Variants in DNTTIP1 observed in about 807,000 individuals in gnomAD.
DNTTIP1 encodes the protein deoxynucleotidyltransferase terminal interacting protein 1.
Under a neutral mutation model 52.9 loss-of-function variants are expected in DNTTIP1, and 22 were observed. That is an observed-to-expected ratio of 0.42 (90% CI 0.30 to 0.59). DNTTIP1 has a LOEUF of 0.59. Among genes scored for constraint, DNTTIP1 ranks in the 20% least tolerant of loss-of-function variants. The pLI, the probability that DNTTIP1 is intolerant of heterozygous loss-of-function variation, is 0.22. For synonymous variants in DNTTIP1, 136 were observed against 155.1 expected, an observed-to-expected ratio of 0.88 and a Z score of 0.92; for missense variants, 286 against 435.5, an observed-to-expected ratio of 0.66 and a Z score of 3.06.
At chr20:45,793,841 AT>A in intron 2 of DNTTIP1, 79 bp from the exon 3 acceptor site, 1 of 812,006 alleles carries the variant, frequency 1.2e-6, no homozygotes, top group Non-Finnish European at 1.9e-6. Flanking sequence ...AAGGAATTCT[AT>A]GTCCATAATT....
intron 3 of DNTTIP1, among the ~76,000 whole-genome samples, chr20:45,794,947 C>T (rs968069675): frequency 9.2e-5 from 14 of 152,160 alleles, no homozygotes; most frequent in East Asian, 3.9e-4. Flanking sequence ...TACAGGCATC[C>T]GCCACCACGC....
rs1298566367 is a variant in DNTTIP1, at chr20:45,809,359, G to T, written c.795+174G>T. On this transcript the variant is annotated intron_variant, in intron 11 of 12. Transcript: ENST00000372622. This position sits in a 1 kb window ranked among gnomAD's most constrained non-coding sequence, Gnocchi z 4.2. ...GCTGAAGAGCAAATTGTAATCTTCA[G>T]GTTCCCTTCCCTATCCCTAGGTCTC... 6.6e-6 allele frequency among the ~76,000 whole-genome samples: 1 copy of T among 152,158 alleles called. No homozygotes were observed. The highest frequency in any genetic ancestry group is 1.5e-5 in the Non-Finnish European group (1 of 68,036).
At chr20:45,801,564 G>A (rs1450422847) in intron 6 of DNTTIP1, 106 bp downstream of exon 6, 2 of 1,176,688 alleles carry the variant, frequency 1.7e-6, no homozygotes, top group Non-Finnish European at 2.5e-6. Flanking sequence ...AAGCGGGGAG[G>A]ATCACTTGAG....
intron 4 of DNTTIP1, chr20:45,796,523 C>CCTGCCTCT (rs1452158931): frequency 1.1e-5 from 5 of 471,038 alleles, no homozygotes; most frequent in African/African-American, 8.0e-5. Flanking sequence ...CTGCTGCCTC[C>CCTGCCTCT]CTGCCTCTCT....
Position 45,811,043 on chromosome 20 carries a change from A to G in DNTTIP1, c.852-14A>G. On this transcript the variant is annotated splice_polypyrimidine_tract_variant and intron_variant, in intron 12 of 12. Coordinates refer to ENST00000372622, the MANE Select transcript of DNTTIP1 (RefSeq NM_052951.3). Reference sequence around the variant, plus strand: ...CTCACTTCCCCCAACTTCTCTCTTCAATGTCTGTTCCAGAGGATGCCTGGA... The same window carrying G: ...CTCACTTCCCCCAACTTCTCTCTTCGATGTCTGTTCCAGAGGATGCCTGGA... 1 of 1,613,566 alleles carries G rather than the reference A, an allele frequency of 6.2e-7. No homozygotes were observed. Among genetic ancestry groups the G allele is most frequent in the South Asian group, 1.1e-5 (1 of 91,018 alleles).
intron 4 of DNTTIP1, chr20:45,796,554 C>A (rs897651924): frequency 2.1e-6 from 1 of 471,148 alleles, no homozygotes; most frequent in African/African-American, 2.0e-5. Flanking sequence ...GGAAGCATGA[C>A]ATCAGGTCTA....
chr20:45,792,082 G>A lies in DNTTIP1; in HGVS notation c.78G>A (p.Ala26=). The change falls in exon 1 of 13, where the codon GCG becomes GCA. Residue 26 remains alanine (A), a synonymous_variant. Transcript: ENST00000372622. ...GGGGCGGCTTGGAGCTGGGGGATGCGGGCGCAGCGGGGCAGCTGGTTCTTA... is the reference window on the plus strand; with the variant it reads ...GGGGCGGCTTGGAGCTGGGGGATGCAGGCGCAGCGGGGCAGCTGGTTCTTA... ...AERGGLELGD[A]GAAGQLVLTN... The A allele has an allele frequency of 7.8e-7, 1 of 1,286,032 alleles. No individual in the cohort carries two copies. The highest frequency in any genetic ancestry group is 9.8e-7 in the Non-Finnish European group (1 of 1,015,510). 79.7% of individuals were successfully genotyped at this position (1,286,032 alleles called of 1,614,324 possible).
At chr20:45,806,412 G>T (rs898193669) in intron 10 of DNTTIP1, among the ~76,000 whole-genome samples, 6 of 151,412 alleles carry the variant, frequency 4.0e-5, no homozygotes, top group Non-Finnish European at 8.8e-5. Context: ...TTCAAAGAGG[G>T]TACTCCTCTT....
chr20:45,799,604 A>G (rs73306476), intron 4 of DNTTIP1, among the ~76,000 whole-genome samples: 2,563 of 152,268 alleles, frequency 0.017, 73 homozygotes, highest in African/African-American at 0.059. Context: ...CCATTCCCGC[A>G]AAGTAGCCCT....
chr20:45,799,236 G>T (rs1981343218), intron 4 of DNTTIP1, among the ~76,000 whole-genome samples: 1 of 152,180 alleles, frequency 6.6e-6, no homozygotes, highest in South Asian at 2.1e-4. Flanking sequence ...AGAGGATAGG[G>T]AAAAGAACCA....
At chr20:45,800,694 AATATATATATATATATATATATATAT>A (rs1158615012) in intron 4 of DNTTIP1, among the ~76,000 whole-genome samples, 700 of 16,370 alleles carry the variant, frequency 0.043, 87 homozygotes, top group African/African-American at 0.095. Flanking sequence ...AAAAAAAAAA[AATATATATATATATATATATATATAT>A]ATATATATAT....
chr20:45,801,405 G>A lies in DNTTIP1; in HGVS notation c.445G>A (p.Gly149Ser). The A allele has an allele frequency of 6.2e-7, 1 of 1,614,118 alleles. No individual in the cohort carries two copies. Among genetic ancestry groups the A allele is most frequent in the Non-Finnish European group, 8.5e-7 (1 of 1,180,032 alleles). ...ACTCCCTTCCCTTTTCTTTTAGCGT[G>A]GCCGTCAGGCAGAAGAAGAATGTGC... ...LTHELPGIKRGRQAEEECAHR... is the reference protein window; with the variant it reads ...LTHELPGIKRSRQAEEECAHR... Residue 149 changes from glycine to serine, a missense_variant, in exon 6 of 13, where the codon GGC becomes AGC. Gly to Ser is a moderately conservative substitution (Grantham distance 56). Around this residue, in one of 2 missense-constraint regions of DNTTIP1, gnomAD observed 208 missense variants for 266.5 expected, o/e 0.78. Coordinates refer to ENST00000372622, the MANE Select transcript of DNTTIP1 (RefSeq NM_052951.3).
At chr20:45,806,731 C>G (rs1480470248) in intron 10 of DNTTIP1, among the ~76,000 whole-genome samples, 1 of 152,234 alleles carries the variant, frequency 6.6e-6, no homozygotes, top group Non-Finnish European at 1.5e-5. Flanking sequence ...AGTCTGATAT[C>G]CTCGAGTCCC....
intron 7 of DNTTIP1, 116 bp downstream of exon 7, chr20:45,802,173 C>A: frequency 1.8e-6 from 2 of 1,130,196 alleles, no homozygotes; most frequent in Non-Finnish European, 2.6e-6. Context: ...CAGCTTAAGT[C>A]ATCGTGGAGG....
intron 9 of DNTTIP1, 37 bp downstream of exon 9, chr20:45,805,241 G>A (rs369531055): frequency 5.8e-5 from 93 of 1,613,990 alleles, no homozygotes; most frequent in Admixed American, 4.5e-4. Context: ...TGAGGAAACA[G>A]CTCAGGAGTT....
At chr20:45,801,960 C>A in intron 6 of DNTTIP1, 39 bp from the exon 7 acceptor site, 3 of 1,609,348 alleles carry the variant, frequency 1.9e-6, no homozygotes, top group Non-Finnish European at 2.6e-6. Context: ...TGGGGAGTAA[C>A]CACAGGGTCA....
chr20:45,792,607 C>G, intron 1 of DNTTIP1, 70 bp from the exon 2 acceptor site: 1 of 1,258,624 alleles, frequency 7.9e-7, no homozygotes, highest in Non-Finnish European at 1.1e-6. Context: ...TAACTTCATA[C>G]CCACCCTCCA....
At chr20:45,797,400 C>G (rs1981276633) in intron 4 of DNTTIP1, among the ~76,000 whole-genome samples, 1 of 152,150 alleles carries the variant, frequency 6.6e-6, no homozygotes, top group Non-Finnish European at 1.5e-5. Flanking sequence ...CTAGGCAATA[C>G]CATTCAGGAC....
At chr20:45,795,194 G>C (rs1981196870) in intron 3 of DNTTIP1, 151 bp from the exon 4 acceptor site, 1 of 502,890 alleles carries the variant, frequency 2.0e-6, no homozygotes, top group Non-Finnish European at 3.6e-6. Flanking sequence ...CCTGAAATGT[G>C]AATCTAAATC....
Sources: allele counts gnomAD v4.1 joint callset (sites outside exome capture counted in the v4.1 genomes callset), GRCh38; gene constraint gnomAD v4.1.1; regional missense constraint gnomAD v4.1.1; non-coding constraint Gnocchi (gnomAD v3.1); transcripts MANE v1.5; gene names NCBI Gene and HGNC (gene_info 2026-07-23, HGNC 2026-07-21).